Variants in TMCO4 observed in about 807,000 individuals in gnomAD.
The protein encoded by TMCO4 is transmembrane and coiled-coil domains 4.
Under a neutral mutation model 64.7 loss-of-function variants are expected in TMCO4, and 58 were observed. That is an observed-to-expected ratio of 0.90 (90% CI 0.73 to 1.12). The LOEUF is 1.12. Among genes scored for constraint, TMCO4 ranks in the 50% most tolerant of loss-of-function variants. The pLI is 0.00. For missense variants in TMCO4, 780 were observed against 825.9 expected (o/e 0.94, Z 0.68); for synonymous variants, 325 against 346.1 (o/e 0.94, Z 0.68).
At chr1:19,744,488 A>G (rs1054454070) in intron 10 of TMCO4, among the ~76,000 whole-genome samples, 2 of 152,194 alleles carry the variant, frequency 1.3e-5, no homozygotes, top group African/African-American at 2.4e-5. Context: ...GAGGTCATGT[A>G]GCCAACACAT....
intron 10 of TMCO4, among the ~76,000 whole-genome samples, chr1:19,744,187 T>C (rs1289313069): frequency 1.3e-5 from 2 of 152,178 alleles, no homozygotes; most frequent in Non-Finnish European, 2.9e-5. Flanking sequence ...CACCCTGCTC[T>C]TTTTCTAAGG....
chr1:19,732,136 A>C lies in TMCO4; in HGVS notation c.1264+5236T>G, dbSNP rs1420978828. The stretch of plus-strand genomic sequence containing the variant: ...GCTACATGTCTGTGAATGTGCGCAC[A>C]CCTGCTGCTCACATTTGGAATAAGC... On this transcript the variant is annotated intron_variant, in intron 13 of 15. Coordinates refer to ENST00000294543, the MANE Select transcript of TMCO4 (RefSeq NM_181719.7). The surrounding 1 kb of genome is among the most constrained non-coding windows in gnomAD (Gnocchi z 4.8). Among the ~76,000 whole-genome samples, 1 of 151,986 alleles carries C rather than the reference A, an allele frequency of 6.6e-6. No homozygotes were observed. Among genetic ancestry groups the C allele is most frequent in the African/African-American group, 2.4e-5 (1 of 41,380 alleles).
chr1:19,741,059 AC>A, intron 10 of TMCO4, 118 bp from the exon 11 acceptor site: 3 of 1,087,730 alleles, frequency 2.8e-6, no homozygotes, highest in South Asian at 1.8e-5. Context: ...CAAGAGGCCC[AC>A]CCCCTGCCAA....
At chr1:19,797,405 G>A (rs1181454388) in intron 2 of TMCO4, among the ~76,000 whole-genome samples, 1 of 152,146 alleles carries the variant, frequency 6.6e-6, no homozygotes, top group Non-Finnish European at 1.5e-5. Flanking sequence ...GCAGGGGGTA[G>A]AAGTGGCCTG....
intron 13 of TMCO4, among the ~76,000 whole-genome samples, chr1:19,725,861 A>T (rs1391445833): frequency 6.6e-6 from 1 of 152,218 alleles, no homozygotes; most frequent in Non-Finnish European, 1.5e-5. Context: ...GGCCGAGCAC[A>T]GCGTGGTCAC....
intron 13 of TMCO4, among the ~76,000 whole-genome samples, chr1:19,725,186 A>T (rs2095403517): frequency 6.6e-6 from 1 of 152,222 alleles, no homozygotes; most frequent in Admixed American, 6.5e-5. Context: ...CCTAGGGCCC[A>T]GAGTGAAGCA....
At chr1:19,696,168 C>T (rs886795216) in intron 14 of TMCO4, among the ~76,000 whole-genome samples, 2 of 152,194 alleles carry the variant, frequency 1.3e-5, no homozygotes, top group African/African-American at 4.8e-5. Flanking sequence ...GCTTTCTCAT[C>T]TAGACAATTC....
chr1:19,758,787 C>T (rs943362055), intron 6 of TMCO4, among the ~76,000 whole-genome samples: 1 of 152,148 alleles, frequency 6.6e-6, no homozygotes. Flanking sequence ...TCCTTGAGAG[C>T]CTGTCCCAAT....
chr1:19,764,120 G>A lies in TMCO4; in HGVS notation c.382+6422C>T, dbSNP rs182181768. ...AGAAGCAGCTCCTTTGGTTCCTGCC[G>A]CATGGGCACCCGCCCTTCATTCAGG... On this transcript the variant is annotated intron_variant, in intron 6 of 15. Transcript: ENST00000294543. Among the ~76,000 whole-genome samples the A allele has an allele frequency of 4.3e-4, 65 of 152,300 alleles. 1 individual carries two copies. The highest frequency in any genetic ancestry group is 1.2e-3 in the East Asian group (6 of 5,188).
intron 5 of TMCO4, among the ~76,000 whole-genome samples, chr1:19,771,056 C>T (rs1212707074): frequency 1.3e-5 from 2 of 152,200 alleles, no homozygotes; most frequent in Non-Finnish European, 2.9e-5. Context: ...ATGGCCCTAC[C>T]ACTTACCTCA....
chr1:19,692,976 A>G (rs1376617581), intron 15 of TMCO4, among the ~76,000 whole-genome samples: 1 of 151,314 alleles, frequency 6.6e-6, no homozygotes, highest in African/African-American at 2.4e-5. Context: ...GTTCAAAACC[A>G]GCCTGGGCAA....
chr1:19,761,239 T>C (rs1431970810), intron 6 of TMCO4, among the ~76,000 whole-genome samples: 1 of 152,052 alleles, frequency 6.6e-6, no homozygotes, highest in East Asian at 1.9e-4. Flanking sequence ...CACCATGAAG[T>C]GGGAAGGAGG....
intron 3 of TMCO4, among the ~76,000 whole-genome samples, chr1:19,785,701 G>A (rs757844394): frequency 2.0e-5 from 3 of 152,234 alleles, no homozygotes; most frequent in Admixed American, 1.3e-4. Flanking sequence ...GTAGAACCGA[G>A]ACACACACTC....
intron 4 of TMCO4, among the ~76,000 whole-genome samples, chr1:19,780,093 C>T (rs181051602): frequency 6.6e-6 from 1 of 152,276 alleles, no homozygotes; most frequent in Non-Finnish European, 1.5e-5. Context: ...AACTGTTCCA[C>T]CTCAGATCAT....
chr1:19,764,070 C>A (rs376486241), intron 6 of TMCO4, among the ~76,000 whole-genome samples: 1 of 152,218 alleles, frequency 6.6e-6, no homozygotes, highest in Non-Finnish European at 1.5e-5. Context: ...CCCATCTCCA[C>A]CTTCTTGGAT....
At chr1:19,765,201 T>C (rs1479762645) in intron 6 of TMCO4, among the ~76,000 whole-genome samples, 1 of 152,134 alleles carries the variant, frequency 6.6e-6, no homozygotes, top group Non-Finnish European at 1.5e-5. Context: ...AAACTTACTT[T>C]GAAATGTAAT....
At chr1:19,791,368 G>T (rs1427268522) in intron 2 of TMCO4, among the ~76,000 whole-genome samples, 1 of 152,076 alleles carries the variant, frequency 6.6e-6, no homozygotes, top group Non-Finnish European at 1.5e-5. Context: ...AGCAAGGGTT[G>T]GTGGGACAGA....
chr1:19,744,935 T>TGTACC (rs1557552870), intron 10 of TMCO4, among the ~76,000 whole-genome samples: 1 of 152,110 alleles, frequency 6.6e-6, no homozygotes, highest in East Asian at 1.9e-4. Flanking sequence ...TGGTTCAGTA[T>TGTACC]ATGACACATG....
At chr1:19,708,619 A>C (rs909479092) in intron 13 of TMCO4, among the ~76,000 whole-genome samples, 1 of 152,178 alleles carries the variant, frequency 6.6e-6, no homozygotes, top group African/African-American at 2.4e-5. Context: ...GAATCAGGTG[A>C]AGGTCCCAGC....
Sources: gnomAD v4.1 joint callset for allele counts (sites outside exome capture counted in the v4.1 genomes callset) on GRCh38, gnomAD v4.1.1 for gene constraint, Gnocchi (gnomAD v3.1) non-coding constraint, MANE v1.5 for transcripts, NCBI Gene and HGNC (gene_info 2026-07-23, HGNC 2026-07-21) for gene names.